The following DOP1A variants were observed in gnomAD, a reference collection of about 807,000 sequenced individuals.
DOP1A encodes the protein protein DOP1A.
In DOP1A, 90 loss-of-function variants were observed where a neutral mutation model predicts 267.6. That is an observed-to-expected ratio of 0.34 (90% CI 0.28 to 0.40). The LOEUF is 0.40. Ranked by LOEUF, DOP1A falls within the 10% of genes least tolerant of loss-of-function variation. The pLI is 1.00. For missense variants in DOP1A, 2,437 were observed against 2,900.4 expected (o/e 0.84, Z 3.67); for synonymous variants, 932 against 999.1 (o/e 0.93, Z 1.27).
intron 4 of DOP1A, among the ~76,000 whole-genome samples, chr6:83,104,253 G>A (rs999897865): frequency 5.3e-5 from 8 of 152,052 alleles, no homozygotes; most frequent in African/African-American, 1.4e-4. Context: ...TTTCTTTTCC[G>A]ATTTTAATAA....
At chr6:83,154,404 T>A in intron 33 of DOP1A, 163 bp downstream of exon 33, 2 of 617,918 alleles carry the variant, frequency 3.2e-6, no homozygotes, top group South Asian at 2.1e-5. Flanking sequence ...TTCTGTACGC[T>A]ATGGGAATAT....
At chr6:83,091,199 G>A (rs1373670178) in intron 1 of DOP1A, among the ~76,000 whole-genome samples, 1 of 151,510 alleles carries the variant, frequency 6.6e-6, no homozygotes, top group Non-Finnish European at 1.5e-5. Flanking sequence ...GGAAAGACCT[G>A]CCCCCATGAT....
In DOP1A at chr6:83,155,965, G is replaced by T; in HGVS notation, c.6466G>T (p.Ala2156Ser). ...FRDLMTRVAV[A>S]QSSSLNLFAN... ...TGCTTTTTCAGCTCGTGTAGCAGTG[G>T]CTCAAAGCAGTTCACTTAATCTCTT... The change falls in exon 34 of 39, where the codon GCT (alanine) becomes TCT (serine). Residue 2156 changes from alanine (A) to serine (S), a missense_variant. Physicochemically the swap from Ala to Ser is moderately conservative, Grantham distance 99. Transcript: ENST00000349129. The T allele has an allele frequency of 1.2e-6, 2 of 1,613,280 alleles. No homozygotes were observed. Among genetic ancestry groups the T allele is most frequent in the Non-Finnish European group, 1.7e-6 (2 of 1,179,750 alleles).
chr6:83,090,337 T>A (rs1215793295), intron 1 of DOP1A, among the ~76,000 whole-genome samples: 1 of 152,182 alleles, frequency 6.6e-6, no homozygotes, highest in Non-Finnish European at 1.5e-5. Context: ...AGGATTTAGA[T>A]TTAGGTCATC....
In DOP1A at chr6:83,097,133, A is replaced by G. The variant is rs1193219708; in HGVS notation, c.138+18A>G. On this transcript the variant is annotated intron_variant, in intron 3 of 38. Transcript: ENST00000349129. ...TTAATAAGGTATGTCTGTATTATCC[A>G]TTTCATAAAAGGAGTAAAAATTAGA... 2 of 1,602,880 alleles carry G rather than the reference A, an allele frequency of 1.2e-6. No homozygotes were observed. Among genetic ancestry groups the G allele is most frequent in the Non-Finnish European group, 1.7e-6 (2 of 1,175,108 alleles).
intron 1 of DOP1A, among the ~76,000 whole-genome samples, chr6:83,079,658 ATGATT>A (rs1767738223): frequency 1.3e-5 from 2 of 152,268 alleles, no homozygotes; most frequent in Admixed American, 1.3e-4. Flanking sequence ...TTTGCAAATA[ATGATT>A]TGATTAACTT....
intron 36 of DOP1A, 24 bp downstream of exon 36, chr6:83,158,646 G>T: frequency 6.4e-7 from 1 of 1,555,356 alleles, no homozygotes. Flanking sequence ...TAAATATATT[G>T]TTGTCCATTT....
downstream of DOP1A, chr6:83,169,036 A>C (rs775228907): frequency 2.9e-6 from 4 of 1,369,780 alleles, no homozygotes; most frequent in Non-Finnish European, 3.8e-6. Flanking sequence ...ATTAGAGGTA[A>C]ATTTCTTTAA....
intron 1 of DOP1A, among the ~76,000 whole-genome samples, chr6:83,083,819 C>T (rs1582870043): frequency 6.6e-6 from 1 of 152,150 alleles, no homozygotes; most frequent in East Asian, 1.9e-4. Context: ...AGAATCCCAC[C>T]TACCTGCTAA....
At chr6:83,079,554 T>C (rs1457222535) in intron 1 of DOP1A, among the ~76,000 whole-genome samples, 2 of 152,154 alleles carry the variant, frequency 1.3e-5, no homozygotes, top group African/African-American at 4.8e-5. Flanking sequence ...TATTTGAAAA[T>C]CCAACTCTGT....
In DOP1A at chr6:83,120,803, T is replaced by C. The variant is rs779719636; in HGVS notation, c.1099+12T>C. On this transcript the variant is annotated intron_variant, in intron 10 of 38. Coordinates refer to ENST00000349129, the MANE Select transcript of DOP1A (RefSeq NM_015018.4). ...CAAACCTGAGCTAGGTAATGTATAC[T>C]GTCCTAGGGCATAAGGTCATGTGTG... 5 of 1,509,318 alleles carry C rather than the reference T, an allele frequency of 3.3e-6. No individual in the cohort carries two copies. The Admixed American group carries it at 8.6e-5, about 26-fold the overall frequency. The allele number at this position is 1,509,318 out of a possible 1,614,324, so 93.5% of individuals were successfully genotyped here.
intron 14 of DOP1A, 69 bp downstream of exon 14, chr6:83,125,264 T>G: frequency 2.1e-6 from 3 of 1,442,942 alleles, no homozygotes; most frequent in Non-Finnish European, 2.8e-6. Context: ...ATTTTAGTAA[T>G]GTAGCAGATA....
In DOP1A at chr6:83,138,623, G is replaced by A; in HGVS notation, c.4581G>A (p.Val1527=). ...TATCTAAGTGCAAAGTTCAGAAAGT[G>A]ATTCTTCATTGTTTGCTGTCATCTA... ...DMLSKCKVQK[V]ILHCLLSSIF... The change falls in exon 21 of 39, where the codon GTG becomes GTA. Residue 1527 remains valine (V), a synonymous_variant. Transcript: ENST00000349129. 1.9e-6 allele frequency: 3 copies of A among 1,613,840 alleles called. No homozygotes were observed. Among genetic ancestry groups the A allele is most frequent in the Non-Finnish European group, 2.5e-6 (3 of 1,179,908 alleles).
At chr6:83,169,752 A>G, downstream of DOP1A, 1 of 458,014 alleles carries the variant, frequency 2.2e-6, no homozygotes, top group Non-Finnish European at 4.4e-6. Context: ...TATTCAGCGC[A>G]CTCACTGTAC....
chr6:83,168,270 C>T lies in DOP1A; in HGVS notation c.*103C>T. On this transcript the variant is annotated 3_prime_UTR_variant, in exon 39 of 39. Transcript: ENST00000349129. ...TTTTCCTTTTTTGTATGTAACAGAA[C>T]ACATTTCAGATTGTATTTAATTTAA... The T allele has an allele frequency of 6.9e-7, 1 of 1,448,614 alleles. No homozygotes were observed. Among genetic ancestry groups the T allele is most frequent in the East Asian group, 2.5e-5 (1 of 40,434 alleles). 89.7% of individuals were successfully genotyped at this position (1,448,614 alleles called of 1,614,324 possible). A position where few individuals can be genotyped will look rare whatever the true frequency, so the allele number is the denominator to read the frequency against.
At chr6:83,093,576 G>A (rs1483422910) in intron 1 of DOP1A, among the ~76,000 whole-genome samples, 1 of 152,186 alleles carries the variant, frequency 6.6e-6, no homozygotes, top group Non-Finnish European at 1.5e-5. Flanking sequence ...AATTTAAGGT[G>A]ATTCATATAT....
In DOP1A at chr6:83,100,693, G is replaced by C. The variant is rs780415655; in HGVS notation, c.139-12G>C. 7.0e-7 allele frequency: 1 copy of C among 1,436,768 alleles called. No individual in the cohort carries two copies. Among genetic ancestry groups the C allele is most frequent in the Non-Finnish European group, 9.2e-7 (1 of 1,087,080 alleles). 89.0% of individuals were successfully genotyped at this position (1,436,768 alleles called of 1,614,324 possible). Reference sequence around the variant, plus strand: ...TTGTTTTTCTCAACTACATTAAAATGCTTTCTTCAAGGTTTTACAAAATAA... The same window carrying C: ...TTGTTTTTCTCAACTACATTAAAATCCTTTCTTCAAGGTTTTACAAAATAA... On this transcript the variant is annotated splice_polypyrimidine_tract_variant and intron_variant, in intron 3 of 38. Coordinates refer to ENST00000349129, the MANE Select transcript of DOP1A (RefSeq NM_015018.4).
intron 4 of DOP1A, among the ~76,000 whole-genome samples, chr6:83,103,222 G>T (rs1212894946): frequency 2.6e-5 from 4 of 152,196 alleles, no homozygotes; most frequent in Admixed American, 2.6e-4. Context: ...TATTCTAAAT[G>T]AAGTAACTCA....
intron 7 of DOP1A, among the ~76,000 whole-genome samples, chr6:83,115,982 C>T (rs1459037694): frequency 6.6e-6 from 1 of 152,072 alleles, no homozygotes; most frequent in Non-Finnish European, 1.5e-5. Context: ...AGTTGTAGAA[C>T]CCCATTACAC....
Sources: allele counts gnomAD v4.1 joint callset (sites outside exome capture counted in the v4.1 genomes callset), GRCh38; gene constraint gnomAD v4.1.1; transcripts MANE v1.5; gene names NCBI Gene and HGNC (gene_info 2026-07-23, HGNC 2026-07-21).